The following CSMD3 variants were observed in gnomAD, a reference collection of about 807,000 sequenced individuals.
CSMD3 encodes CUB and sushi domain-containing protein 3.
In CSMD3, 177 loss-of-function variants were observed where a neutral mutation model predicts 435.2. That is an observed-to-expected ratio of 0.41 (90% CI 0.36 to 0.46). The LOEUF (loss-of-function observed/expected upper bound fraction) is 0.46. Among genes scored for constraint, CSMD3 ranks in the 20% least tolerant of loss-of-function variants. The pLI, the probability that CSMD3 is intolerant of heterozygous loss-of-function variation, is 0.34. For missense variants in CSMD3, 4,265 were observed against 4,504.6 expected, an observed-to-expected ratio of 0.95 and a Z score of 1.52; for synonymous variants, 1,656 against 1,520.5, an observed-to-expected ratio of 1.09 and a Z score of -2.07.
chr8:112,509,920 A>C (rs545603402), intron 28 of CSMD3, among the ~76,000 whole-genome samples: 1 of 152,300 alleles, frequency 6.6e-6, no homozygotes, highest in Admixed American at 6.5e-5. Flanking sequence ...TCTGTAGTCT[A>C]TTGGTACATC....
intron 3 of CSMD3, among the ~76,000 whole-genome samples, chr8:113,219,999 T>C (rs1289687865): frequency 6.6e-6 from 1 of 151,478 alleles, no homozygotes; most frequent in Admixed American, 6.6e-5. Context: ...ATATATAAAA[T>C]AGCCTTAAAC....
At chr8:112,480,868 G>A (rs1819568185) in intron 31 of CSMD3, among the ~76,000 whole-genome samples, 1 of 152,058 alleles carries the variant, frequency 6.6e-6, no homozygotes, top group African/African-American at 2.4e-5. Context: ...TAAGGAATAT[G>A]CTTATTTAGT....
At chr8:113,198,390 T>G (rs570393455) in intron 3 of CSMD3, among the ~76,000 whole-genome samples, 1 of 151,406 alleles carries the variant, frequency 6.6e-6, no homozygotes, top group South Asian at 2.1e-4. Flanking sequence ...AGACCAAAAT[T>G]GATTCATATT....
intron 22 of CSMD3, among the ~76,000 whole-genome samples, chr8:112,592,808 A>G (rs1285944466): frequency 6.6e-6 from 1 of 152,080 alleles, no homozygotes; most frequent in Non-Finnish European, 1.5e-5. Flanking sequence ...CTGATACCGT[A>G]TTAGGTCTTG....
At chr8:112,969,562 T>C (rs2084563966) in intron 7 of CSMD3, among the ~76,000 whole-genome samples, 1 of 151,974 alleles carries the variant, frequency 6.6e-6, no homozygotes, top group South Asian at 2.1e-4. Context: ...TAGGTCAAAA[T>C]AAACAGTAGT....
chr8:112,429,092 T>G (rs1179185703), intron 32 of CSMD3, among the ~76,000 whole-genome samples: 1 of 152,114 alleles, frequency 6.6e-6, no homozygotes, highest in Non-Finnish European at 1.5e-5. Context: ...GAATCCAATA[T>G]ATCTTTAACT....
At chr8:113,154,436 T>C (rs1588164956) in intron 4 of CSMD3, among the ~76,000 whole-genome samples, 1 of 151,984 alleles carries the variant, frequency 6.6e-6, no homozygotes, top group Admixed American at 6.6e-5. Flanking sequence ...TGTGTGACCT[T>C]TGAAAACAAT....
intron 53 of CSMD3, among the ~76,000 whole-genome samples, chr8:112,301,076 G>A (rs1426617575): frequency 1.3e-5 from 2 of 151,910 alleles, no homozygotes; most frequent in Non-Finnish European, 2.9e-5. Flanking sequence ...AATACTTGCT[G>A]TCAGATCTTG....
chr8:112,341,746 TAC>T (rs888797705), intron 41 of CSMD3, 60 bp from the exon 42 acceptor site: 27 of 1,013,776 alleles, frequency 2.7e-5, no homozygotes, highest in Non-Finnish European at 3.8e-5. Flanking sequence ...AACATAAATA[TAC>T]ACACACACAA....
intron 32 of CSMD3, among the ~76,000 whole-genome samples, chr8:112,445,633 C>T (rs1815518643): frequency 1.3e-5 from 2 of 152,260 alleles, no homozygotes; most frequent in Middle Eastern, 3.4e-3. Context: ...AATCACCTCC[C>T]ACCAGGCCCC....
intron 23 of CSMD3, among the ~76,000 whole-genome samples, chr8:112,577,386 A>G (rs1016136035): frequency 6.6e-6 from 1 of 152,088 alleles, no homozygotes; most frequent in Admixed American, 6.6e-5. Flanking sequence ...AATAAACAGT[A>G]CAGAGTGATT....
rs73335557 is a variant in CSMD3, at chr8:113,260,538, G to C, written c.514+18054C>G. Reference sequence around the variant, plus strand: ...ATGGCTGTATATTAAAAAGTCCTTTGTCCTTGTCTCAGTTTTGTGCATTCT... The same window carrying C: ...ATGGCTGTATATTAAAAAGTCCTTTCTCCTTGTCTCAGTTTTGTGCATTCT... On this transcript the variant is annotated intron_variant, in intron 3 of 70. Transcript: ENST00000297405. Among the ~76,000 whole-genome samples, 537 of 152,112 alleles carry C rather than the reference G, an allele frequency of 3.5e-3. 2 individuals are homozygous for C. Among genetic ancestry groups the C allele is most frequent in the African/African-American group, 0.012 (500 of 41,520 alleles).
At chr8:112,523,450 G>T (rs954623531) in intron 27 of CSMD3, among the ~76,000 whole-genome samples, 14 of 151,742 alleles carry the variant, frequency 9.2e-5, no homozygotes, top group Admixed American at 3.3e-4. Flanking sequence ...TATATTTTTT[G>T]CCATGTGTCA....
At chr8:112,692,134 C>T (rs1187282036) in intron 13 of CSMD3, among the ~76,000 whole-genome samples, 1 of 151,852 alleles carries the variant, frequency 6.6e-6, no homozygotes, top group Non-Finnish European at 1.5e-5. Context: ...ATTTAAACAT[C>T]TTTTCTTTTT....
At chr8:113,324,640 G>A (rs781356383) in intron 1 of CSMD3, among the ~76,000 whole-genome samples, 12 of 152,270 alleles carry the variant, frequency 7.9e-5, no homozygotes, top group East Asian at 1.9e-4. Flanking sequence ...AGGGTAGTGC[G>A]GATAAGAAAT....
intron 3 of CSMD3, among the ~76,000 whole-genome samples, chr8:113,274,199 G>A (rs984320619): frequency 1.3e-5 from 2 of 151,914 alleles, no homozygotes; most frequent in Admixed American, 6.6e-5. Flanking sequence ...TTAATATATT[G>A]ATTTTTTTGC....
intron 42 of CSMD3, among the ~76,000 whole-genome samples, chr8:112,340,655 A>C (rs1825001622): frequency 6.6e-6 from 1 of 152,190 alleles, no homozygotes; most frequent in Admixed American, 6.5e-5. Context: ...TTTATTATGT[A>C]AAATATCATT....
intron 20 of CSMD3, among the ~76,000 whole-genome samples, chr8:112,644,515 G>A (rs189708069): frequency 1.4e-3 from 217 of 152,030 alleles, no homozygotes; most frequent in African/African-American, 5.1e-3. Flanking sequence ...ATACTACAGA[G>A]CCTTTTACTT....
intron 59 of CSMD3, among the ~76,000 whole-genome samples, chr8:112,267,635 T>G (rs1286820683): frequency 6.6e-6 from 1 of 152,128 alleles, no homozygotes; most frequent in East Asian, 1.9e-4. Flanking sequence ...CCAGACTGCA[T>G]TAGAATCTTG....
Sources: allele counts gnomAD v4.1 joint callset (sites outside exome capture counted in the v4.1 genomes callset), GRCh38; gene constraint gnomAD v4.1.1; transcripts MANE v1.5; gene names NCBI Gene and HGNC (gene_info 2026-07-23, HGNC 2026-07-21).